Variants in UBR3 observed in about 807,000 individuals in gnomAD.
UBR3 encodes ubiquitin protein ligase E3 component n-recognin 3.
Under a neutral mutation model 243.2 loss-of-function variants are expected in UBR3, and 85 were observed. The observed-to-expected ratio is 0.35, with a 90% CI of 0.29 to 0.42. The LOEUF (loss-of-function observed/expected upper bound fraction) is 0.42, where lower values mean the gene tolerates loss of function less well. Ranked by LOEUF, UBR3 falls within the 10% of genes least tolerant of loss-of-function variation. The pLI, the probability that UBR3 is intolerant of heterozygous loss-of-function variation, is 1.00. For missense variants in UBR3, 1,686 were observed against 2,300.8 expected, an observed-to-expected ratio of 0.73 and a Z score of 5.47; for synonymous variants, 748 against 799.8, an observed-to-expected ratio of 0.94 and a Z score of 1.09.
At chr2:169,960,254 A>C (rs1182110955) in intron 24 of UBR3, among the ~76,000 whole-genome samples, 1 of 151,808 alleles carries the variant, frequency 6.6e-6, no homozygotes, top group Non-Finnish European at 1.5e-5. Flanking sequence ...AAAAAAAAAA[A>C]AAGATTGTAT....
rs1394825906 is a variant in UBR3 at position 170,077,581 on chromosome 2, C to T, written c.5200-2233C>T. The T allele has an allele frequency of 5.6e-6, 3 of 537,872 alleles. No individual in the cohort carries two copies. The African/African-American group carries it at 5.9e-5, about 11-fold the overall frequency. The allele number at this position is 537,872 out of a possible 1,614,324, so 33.3% of individuals were successfully genotyped here. On this transcript the variant is annotated intron_variant, in intron 36 of 38. Transcript: ENST00000272793. ...CATCCTCCTCTATGCCTGCGTCTTTCTCTTTCCTGTTGGAATAACTTTGAG... is the reference window on the plus strand; with the variant it reads ...CATCCTCCTCTATGCCTGCGTCTTTTTCTTTCCTGTTGGAATAACTTTGAG...
At chr2:169,947,392 A>C in intron 21 of UBR3, 150 bp from the exon 22 acceptor site, 1 of 574,558 alleles carries the variant, frequency 1.7e-6, no homozygotes, top group Non-Finnish European at 2.6e-6. Flanking sequence ...TTTATTATTT[A>C]AATTTATTCA....
At chr2:169,944,164 G>A (rs188008657) in intron 20 of UBR3, among the ~76,000 whole-genome samples, 37 of 152,228 alleles carry the variant, frequency 2.4e-4, no homozygotes, top group Non-Finnish European at 1.5e-5. Flanking sequence ...TTTACTTAGT[G>A]CCAGATTTTG....
chr2:169,946,018 T>C (rs562004663), intron 20 of UBR3, among the ~76,000 whole-genome samples: 1 of 151,662 alleles, frequency 6.6e-6, no homozygotes, highest in East Asian at 1.9e-4. Flanking sequence ...TCCTATTTGG[T>C]AAACTTATTT....
At chr2:169,987,188 A>G (rs1269267894) in intron 25 of UBR3, among the ~76,000 whole-genome samples, 2 of 152,016 alleles carry the variant, frequency 1.3e-5, no homozygotes, top group Non-Finnish European at 2.9e-5. Flanking sequence ...CAGGAATTCA[A>G]TACTAGCCTA....
chr2:169,999,765 A>C (rs1354676580), intron 26 of UBR3, among the ~76,000 whole-genome samples: 1 of 152,224 alleles, frequency 6.6e-6, no homozygotes, highest in Non-Finnish European at 1.5e-5. Context: ...AGAGGGAGGA[A>C]TTAGCAATGA....
intron 1 of UBR3, among the ~76,000 whole-genome samples, chr2:169,849,570 C>T (rs1479632447): frequency 6.6e-6 from 1 of 152,206 alleles, no homozygotes; most frequent in East Asian, 1.9e-4. Flanking sequence ...GTTGGGATTA[C>T]AGGCATGAGC....
At chr2:170,013,251 C>T (rs900879768) in intron 29 of UBR3, among the ~76,000 whole-genome samples, 7 of 151,954 alleles carry the variant, frequency 4.6e-5, no homozygotes, top group African/African-American at 1.7e-4. Context: ...TCTCAAAGGA[C>T]CAATTTTGAC....
chr2:169,906,998 A>G (rs990631824), intron 10 of UBR3, among the ~76,000 whole-genome samples: 1 of 149,544 alleles, frequency 6.7e-6, no homozygotes, highest in Non-Finnish European at 1.5e-5. Context: ...CAGATGACTT[A>G]CAGCCTTGTT....
Position 169,875,880 on chromosome 2 carries a change from G to A in UBR3, c.775G>A (p.Gly259Arg), listed in dbSNP as rs2083587226. ...ISFLEDLTKM[G>R]GAMRSVLTQV... Reference sequence around the variant, plus strand: ...CTTTTTAGAAGACCTGACTAAAATGGGAGGAGCAATGCGGTCTGTTCTTAC... The same window carrying A: ...CTTTTTAGAAGACCTGACTAAAATGAGAGGAGCAATGCGGTCTGTTCTTAC... The change falls in exon 3 of 39, where the codon GGA becomes AGA. Residue 259 changes from glycine (G) to arginine (R), a missense_variant. Physicochemically the swap from Gly to Arg is moderately radical, Grantham distance 125. This residue lies in a region of UBR3 where 200 missense variants were observed against 231.6 expected (regional missense o/e 0.86). Transcript: ENST00000272793. The A allele has an allele frequency of 6.5e-7, 1 of 1,549,966 alleles. No individual in the cohort carries two copies. Among genetic ancestry groups the A allele is most frequent in the Non-Finnish European group, 8.7e-7 (1 of 1,146,146 alleles).
chr2:169,921,459 G>T (rs2085693846), intron 11 of UBR3, among the ~76,000 whole-genome samples: 1 of 152,202 alleles, frequency 6.6e-6, no homozygotes, highest in Non-Finnish European at 1.5e-5. Context: ...CATTAGACAA[G>T]GAAGGAATAT....
intron 1 of UBR3, among the ~76,000 whole-genome samples, chr2:169,843,577 G>C (rs2162512): frequency 0.98 from 149,299 of 152,374 alleles, 73,198 homozygotes; most frequent in East Asian, 1. Context: ...ATAACACCAT[G>C]TATGTAGTAT....
intron 11 of UBR3, among the ~76,000 whole-genome samples, chr2:169,919,307 T>A (rs946957793): frequency 2.0e-5 from 3 of 152,212 alleles, no homozygotes; most frequent in Non-Finnish European, 4.4e-5. Flanking sequence ...TAAGACTACC[T>A]TCTGGCAGCA....
At position 170,080,526 on chromosome 2, in the gene UBR3, T is replaced by C; in HGVS notation, c.5410-19T>C. 6.4e-7 allele frequency: 1 copy of C among 1,567,586 alleles called. No homozygotes were observed. The highest frequency in any genetic ancestry group is 8.6e-7 in the Non-Finnish European group (1 of 1,156,262). On this transcript the variant is annotated intron_variant, in intron 37 of 38. Transcript: ENST00000272793. ...CCTATTTGATTATGAAGTTCATTAA[T>C]ATATTTTTAATTTTTTAGCACTCTC...
intron 1 of UBR3, among the ~76,000 whole-genome samples, chr2:169,829,818 C>CAG (rs2081873493): frequency 3.3e-5 from 1 of 30,174 alleles, no homozygotes; most frequent in Non-Finnish European, 1.3e-4. Flanking sequence ...AAAAAGTACA[C>CAG]ACACACACAC....
At position 169,874,104 on chromosome 2, in the gene UBR3, T is replaced by C. The variant is rs139078535; in HGVS notation, c.686-1687T>C. ...GATGATCTGCATGAATGTAGGTTCA[T>C]GGAAGTTTCTTCCTTATATTACTAC... On this transcript the variant is annotated intron_variant, in intron 2 of 38. Transcript: ENST00000272793. 3.8e-3 allele frequency among the ~76,000 whole-genome samples: 582 copies of C among 152,198 alleles called. 1 individual carries two copies. The highest frequency in any genetic ancestry group is 0.013 in the African/African-American group (521 of 41,528).
intron 23 of UBR3, among the ~76,000 whole-genome samples, chr2:169,956,776 T>G (rs1050226732): frequency 2.0e-5 from 3 of 152,222 alleles, no homozygotes; most frequent in African/African-American, 7.2e-5. Context: ...TAAAAATTAC[T>G]GTATTTCATT....
chr2:169,968,026 C>A (rs559118832), intron 24 of UBR3, among the ~76,000 whole-genome samples: 1 of 151,934 alleles, frequency 6.6e-6, no homozygotes, highest in South Asian at 2.1e-4. Flanking sequence ...GAGATCCTAC[C>A]ATGCAGTGTG....
At chr2:169,879,248 A>G (rs1008790678) in intron 5 of UBR3, among the ~76,000 whole-genome samples, 3 of 152,050 alleles carry the variant, frequency 2.0e-5, no homozygotes, top group African/African-American at 7.2e-5. Context: ...AAAAAATAAA[A>G]TTACATTTAA....
Sources: gnomAD v4.1 joint callset for allele counts (sites outside exome capture counted in the v4.1 genomes callset) on GRCh38, gnomAD v4.1.1 for gene constraint, gnomAD v4.1.1 regional missense constraint, MANE v1.5 for transcripts, NCBI Gene and HGNC (gene_info 2026-07-23, HGNC 2026-07-21) for gene names.